The following GAPVD1 variants were observed in gnomAD, a reference collection of about 807,000 sequenced individuals.
GAPVD1 encodes GTPase-activating protein and VPS9 domain-containing protein 1.
Under a neutral mutation model 155.5 loss-of-function variants are expected in GAPVD1, and 35 were observed. The ratio of observed to expected loss-of-function variants is 0.23; its 90% CI spans 0.17 to 0.30. GAPVD1 has a LOEUF of 0.30. GAPVD1 is among the 10% of genes least tolerant of loss of function. The probability of loss-of-function intolerance (pLI) is 1.00; values close to 1 mark genes in which losing one functional copy is unlikely to be tolerated. For synonymous variants in GAPVD1, 636 were observed against 619.7 expected (o/e 1.03, Z -0.39); for missense variants, 1,429 against 1,775.7 (o/e 0.80, Z 3.51).
At position 125,305,140 on chromosome 9, in the gene GAPVD1, G is replaced by A. The variant is rs62637640; in HGVS notation, c.1107G>A (p.Lys369=). 19,188 of 1,605,182 alleles carry A rather than the reference G, an allele frequency of 0.012. 963 individuals are homozygous for A. In the African/African-American group the frequency reaches 0.16, roughly 13 times the overall value. Residue 369 remains lysine, a synonymous_variant, in exon 6 of 28, where the codon AAG becomes AAA. Coordinates refer to ENST00000297933, the MANE Select transcript of GAPVD1 (RefSeq NM_001282680.3). ...GDPRTKSSLG[K]FDKSCVAAFL... ...CCCGAACAAAGAGCAGCCTTGGAAA[G>A]TTTGACAAAGTAAGAATAAATATGA...
chr9:125,337,710 G>C, intron 17 of GAPVD1, 119 bp downstream of exon 17: 1 of 1,064,620 alleles, frequency 9.4e-7, no homozygotes, highest in Non-Finnish European at 1.3e-6. Flanking sequence ...CATGATTAAA[G>C]ATGATTTGTC....
At chr9:125,337,701 A>C (rs1229866324) in intron 17 of GAPVD1, 110 bp downstream of exon 17, 5 of 1,057,986 alleles carry the variant, frequency 4.7e-6, no homozygotes, top group Non-Finnish European at 6.7e-6. Flanking sequence ...GAGAGTAGTC[A>C]TGATTAAAGA....
At chr9:125,322,354 G>A (rs891945795) in intron 10 of GAPVD1, among the ~76,000 whole-genome samples, 5 of 151,958 alleles carry the variant, frequency 3.3e-5, no homozygotes, top group Admixed American at 1.3e-4. Flanking sequence ...GTGAGCCACC[G>A]CGCCTGGCCC....
rs1376789050 is a variant in GAPVD1 at position 125,301,976 on chromosome 9, T to C, written c.186-7T>C. Reference sequence around the variant, plus strand: ...TGCTTGTTTGCTCTTTTTTTTTTTTTTTTTAGTGCTGAAGCTTCCCCTGCT... The same window carrying C: ...TGCTTGTTTGCTCTTTTTTTTTTTTCTTTTAGTGCTGAAGCTTCCCCTGCT... On this transcript the variant is annotated splice_region_variant and splice_polypyrimidine_tract_variant and intron_variant, in intron 4 of 27. Transcript: ENST00000297933. 2.0e-6 allele frequency: 3 copies of C among 1,531,650 alleles called. No homozygotes were observed. Among genetic ancestry groups the C allele is most frequent in the African/African-American group, 2.8e-5 (2 of 71,718 alleles). 94.9% of individuals were successfully genotyped at this position (1,531,650 alleles called of 1,614,324 possible). A position where few individuals can be genotyped will look rare whatever the true frequency, so the allele number is the denominator to read the frequency against.
intron 3 of GAPVD1, 119 bp from the exon 4 acceptor site, chr9:125,298,771 A>C (rs1406393891): frequency 1.9e-6 from 1 of 530,208 alleles, no homozygotes; most frequent in Admixed American, 3.6e-5. Flanking sequence ...TATAGGCATG[A>C]GCCACCGCGC....
rs1221883481 is a variant in GAPVD1, at chr9:125,312,553, T to C, written c.1543T>C (p.Leu515=). 2 of 1,610,272 alleles carry C rather than the reference T, an allele frequency of 1.2e-6. No homozygotes were observed. Among genetic ancestry groups the C allele is most frequent in the Non-Finnish European group, 1.7e-6 (2 of 1,178,674 alleles). ...TIQEVQPEEV[L]VISLGTGPQL... is the part of the protein sequence containing the mutation. Reference sequence around the variant, plus strand: ...TCAGGAGGTGCAACCAGAAGAGGTGTTGGTCATTTCCTTAGGTACAGGTCC... The same window carrying C: ...TCAGGAGGTGCAACCAGAAGAGGTGCTGGTCATTTCCTTAGGTACAGGTCC... The change falls in exon 9 of 28, where the codon TTG becomes CTG. Residue 515 remains leucine (L), a synonymous_variant. Transcript: ENST00000297933.
intron 2 of GAPVD1, among the ~76,000 whole-genome samples, chr9:125,279,160 C>T (rs1031923298): frequency 3.3e-5 from 5 of 149,704 alleles, no homozygotes; most frequent in East Asian, 2.0e-4. Flanking sequence ...TGCAGTGAGC[C>T]GAGATCACAC....
chr9:125,273,846 G>C (rs1052933592), intron 2 of GAPVD1, among the ~76,000 whole-genome samples: 1 of 151,848 alleles, frequency 6.6e-6, no homozygotes, highest in South Asian at 2.1e-4. Flanking sequence ...TTCTTCTTTT[G>C]CGTATTCACT....
rs893545836 is a variant in GAPVD1 at position 125,364,236 on chromosome 9, T to TTTTTA, written c.*1510_*1514dup. On this transcript the variant is annotated 3_prime_UTR_variant, in exon 28 of 28. Coordinates refer to ENST00000297933, the MANE Select transcript of GAPVD1 (RefSeq NM_001282680.3). Reference sequence around the variant, plus strand: ...TAAAGATTTTATTTTTTTTTCTTTGTTTTTATTTTATTTTATTTTATTTTT... The same window carrying TTTTTA: ...TAAAGATTTTATTTTTTTTTCTTTGTTTTTATTTTATTTTATTTTATTTTATTTTT... 6 of 151,180 alleles carry TTTTTA rather than the reference T, an allele frequency of 4.0e-5. No homozygotes were observed. The highest frequency in any genetic ancestry group is 1.3e-4 in the Admixed American group (2 of 15,190). 9.4% of individuals were successfully genotyped at this position (151,180 alleles called of 1,614,324 possible). A position where few individuals can be genotyped will look rare whatever the true frequency, so the allele number is the denominator to read the frequency against.
At chr9:125,341,360 C>T (rs563142820) in intron 18 of GAPVD1, 96 bp downstream of exon 18, 1 of 647,058 alleles carries the variant, frequency 1.5e-6, no homozygotes, top group South Asian at 2.0e-5. Flanking sequence ...CTCTGTAAGA[C>T]TTGCTGGGCT....
chr9:125,299,941 C>G (rs1265435253), intron 4 of GAPVD1, among the ~76,000 whole-genome samples: 1 of 140,314 alleles, frequency 7.1e-6, no homozygotes, highest in Middle Eastern at 3.7e-3. Flanking sequence ...ATGGCTTGAA[C>G]CCGGGAGGTG....
chr9:125,263,529 T>TG, intron 1 of GAPVD1: 2 of 387,724 alleles, frequency 5.2e-6, no homozygotes. Flanking sequence ...AGAACTGTTG[T>TG]TTTTTTTTTT....
intron 25 of GAPVD1, among the ~76,000 whole-genome samples, chr9:125,358,475 G>A (rs1850430769): frequency 6.6e-6 from 1 of 152,174 alleles, no homozygotes; most frequent in East Asian, 1.9e-4. Flanking sequence ...TTGTTACCAT[G>A]CTTCTTAACA....
intron 13 of GAPVD1, 43 bp from the exon 14 acceptor site, chr9:125,331,883 T>C (rs1846139112): frequency 6.2e-7 from 1 of 1,604,038 alleles, no homozygotes; most frequent in Non-Finnish European, 8.5e-7. Flanking sequence ...TGTGGTGTGC[T>C]AAGAGAATCA....
At chr9:125,293,855 TATATATATA>T in intron 2 of GAPVD1, among the ~76,000 whole-genome samples, 1 of 4,228 alleles carries the variant, frequency 2.4e-4, no homozygotes, top group Non-Finnish European at 3.7e-4. Flanking sequence ...ATATATTTTA[TATATATATA>T]TATATATATA....
chr9:125,278,377 C>T (rs1400238554), intron 2 of GAPVD1, among the ~76,000 whole-genome samples: 1 of 151,198 alleles, frequency 6.6e-6, no homozygotes, highest in African/African-American at 2.4e-5. Flanking sequence ...AAAAATTAGC[C>T]GGACGTGGTA....
chr9:125,272,692 G>A (rs180815007), intron 2 of GAPVD1, among the ~76,000 whole-genome samples: 189 of 152,270 alleles, frequency 1.2e-3, no homozygotes, highest in African/African-American at 4.4e-3. Flanking sequence ...GGATAATATT[G>A]TTGACTAGGA....
chr9:125,281,340 A>G (rs187628982), intron 2 of GAPVD1, among the ~76,000 whole-genome samples: 1 of 152,242 alleles, frequency 6.6e-6, no homozygotes, highest in East Asian at 1.9e-4. Flanking sequence ...TGTAGAGAAC[A>G]GTCTTGCTAT....
chr9:125,324,716 G>C (rs1844878270), intron 11 of GAPVD1, among the ~76,000 whole-genome samples: 1 of 152,206 alleles, frequency 6.6e-6, no homozygotes, highest in Non-Finnish European at 1.5e-5. Flanking sequence ...GCAAGTCAAA[G>C]AGGTGGGAAG....
Sources: gnomAD v4.1 joint callset for allele counts (sites outside exome capture counted in the v4.1 genomes callset) on GRCh38, gnomAD v4.1.1 for gene constraint, MANE v1.5 for transcripts, NCBI Gene and HGNC (gene_info 2026-07-23, HGNC 2026-07-21) for gene names.